Variants in DOCK11 observed in about 807,000 individuals in gnomAD.
The protein encoded by DOCK11 is dedicator of cytokinesis protein 11.
A neutral mutation model predicts 169.1 loss-of-function variants in DOCK11; 70 were observed. The ratio of observed to expected loss-of-function variants is 0.41; its 90% CI spans 0.34 to 0.51. The LOEUF (loss-of-function observed/expected upper bound fraction) is 0.51. DOCK11 is among the 20% of genes least tolerant of loss of function. DOCK11 has a pLI of 0.10. For synonymous variants in DOCK11, 529 were observed against 541.3 expected (o/e 0.98, Z 0.32); for missense variants, 1,166 against 1,538.8 (o/e 0.76, Z 4.05).
chrX:118,656,831 A>C (rs2016083483), intron 44 of DOCK11, among the ~76,000 whole-genome samples: 1 of 110,948 alleles, frequency 9.0e-6, no homozygotes, highest in East Asian at 2.8e-4. Context: ...ACTACTCAGA[A>C]GGCTGAGGCA....
At chrX:118,665,902 T>A (rs780481611) in intron 45 of DOCK11, among the ~76,000 whole-genome samples, 1 of 112,192 alleles carries the variant, frequency 8.9e-6, no homozygotes, top group East Asian at 2.8e-4. Context: ...TTTTTCTGCA[T>A]GACACCACCT....
chrX:118,607,056 T>C (rs1168899596), intron 24 of DOCK11, among the ~76,000 whole-genome samples: 2 of 107,634 alleles, frequency 1.9e-5, no homozygotes, highest in African/African-American at 6.8e-5. Flanking sequence ...CCCTTTCCTT[T>C]CCTTTTCCTT....
At chrX:118,582,664 C>G (rs991586094) in intron 14 of DOCK11, among the ~76,000 whole-genome samples, 3 of 111,428 alleles carry the variant, frequency 2.7e-5, no homozygotes, top group Non-Finnish European at 5.7e-5. Flanking sequence ...ATGTGGCCAA[C>G]AAAGATATGA....
intron 21 of DOCK11, 124 bp downstream of exon 21, chrX:118,597,676 C>A: frequency 1.3e-6 from 1 of 765,601 alleles, no homozygotes; most frequent in Non-Finnish European, 1.9e-6. Flanking sequence ...TGCGGGTCCA[C>A]AACAAAGATA....
chrX:118,503,840 G>A (rs968709580), intron 1 of DOCK11, among the ~76,000 whole-genome samples: 4 of 111,165 alleles, frequency 3.6e-5, no homozygotes, highest in African/African-American at 1.3e-4. Context: ...GGAAGTGGGA[G>A]GCAGGGTGTG....
rs752014828 is a variant in DOCK11, at chrX:118,529,774, A to G, written c.103-12951A>G. On this transcript the variant is annotated intron_variant, in intron 1 of 52. Coordinates refer to ENST00000276202, the MANE Select transcript of DOCK11 (RefSeq NM_144658.4). ...AAGAAGTGGTCACCTGTACTTGGGT[A>G]GATAAGGCAGCCTCTTGGGGTCTTG... is the stretch of plus-strand genomic sequence containing the variant. Among the ~76,000 whole-genome samples, 234 of 111,241 alleles carry G rather than the reference A, an allele frequency of 2.1e-3. 2 individuals carry two copies. The highest frequency in any genetic ancestry group is 3.1e-3 in the Non-Finnish European group (163 of 53,025).
chrX:118,576,758 G>C (rs2013463316), intron 12 of DOCK11, among the ~76,000 whole-genome samples: 4 of 112,442 alleles, frequency 3.6e-5, no homozygotes, highest in African/African-American at 1.3e-4. Context: ...CTCATTGCTG[G>C]CATCAGTAGG....
In DOCK11 at chrX:118,542,930, C is replaced by T. The variant is rs765984589; in HGVS notation, c.224C>T (p.Ser75Leu). The T allele has an allele frequency of 2.0e-5, 24 of 1,208,190 alleles. No individual in the cohort carries two copies. In the South Asian group the frequency reaches 3.2e-4, roughly 16 times the overall value. The change falls in exon 3 of 53, where the codon TCG (serine) becomes TTG (leucine). Residue 75 changes from serine to leucine, a missense_variant. Transcript: ENST00000276202. ...AAAATGTTCTTTGTGTTCTAGATCT[C>T]GGTGATAGGTCGTCAACGCAGAACG... Reference protein sequence around the residue: ...LMFPMEDISISVIGRQRRTVQ... With the variant: ...LMFPMEDISILVIGRQRRTVQ...
intron 1 of DOCK11, among the ~76,000 whole-genome samples, chrX:118,524,766 C>T (rs1187012171): frequency 1.8e-5 from 2 of 111,219 alleles, no homozygotes; most frequent in African/African-American, 3.3e-5. Flanking sequence ...GGACCTGGAA[C>T]CCTTGTGCAT....
chrX:118,512,804 G>A (rs12851083), intron 1 of DOCK11, among the ~76,000 whole-genome samples: 13,729 of 110,681 alleles, frequency 0.12, 639 homozygotes, highest in Middle Eastern at 0.2. Context: ...TGCCAGACCC[G>A]TGTTTCTCAA....
rs182203453 is a variant in DOCK11, at chrX:118,553,539, G to A, written c.558+7423G>A. 3.2e-4 allele frequency among the ~76,000 whole-genome samples: 36 copies of A among 111,368 alleles called. No individual in the cohort carries two copies. The East Asian group carries it at 9.0e-3, about 28-fold the overall frequency. On this transcript the variant is annotated intron_variant, in intron 6 of 52. Transcript: ENST00000276202. Reference sequence around the variant, plus strand: ...TTGCAAGTTCAACTGGTTGATGTATGACTCACTTCTAGTGCCCTTTAAAAT... The same window carrying A: ...TTGCAAGTTCAACTGGTTGATGTATAACTCACTTCTAGTGCCCTTTAAAAT...
chrX:118,561,035 A>G (rs755108455), intron 6 of DOCK11, among the ~76,000 whole-genome samples: 1 of 112,201 alleles, frequency 8.9e-6, no homozygotes, highest in South Asian at 3.7e-4. Flanking sequence ...TCGTGGTAAT[A>G]GAAACCAAAT....
chrX:118,500,409 G>A (rs2057568450), intron 1 of DOCK11, among the ~76,000 whole-genome samples: 1 of 111,168 alleles, frequency 9.0e-6, no homozygotes, highest in Non-Finnish European at 1.9e-5. Flanking sequence ...AAACAGAAAA[G>A]TAAGAATAAT....
At chrX:118,500,429 C>G (rs1436282552) in intron 1 of DOCK11, among the ~76,000 whole-genome samples, 1 of 111,284 alleles carries the variant, frequency 9.0e-6, no homozygotes, top group Non-Finnish European at 1.9e-5. Context: ...TTATCACCAT[C>G]TCATTACCCA....
intron 28 of DOCK11, 69 bp downstream of exon 28, chrX:118,610,487 T>A (rs2014655460): frequency 8.8e-7 from 1 of 1,133,557 alleles, no homozygotes; most frequent in Non-Finnish European, 1.2e-6. Flanking sequence ...AGAAAAAAAT[T>A]AAGCACTTTC....
Position 118,573,842 on chromosome X carries a change from G to A in DOCK11, c.1213G>A (p.Val405Ile), listed in dbSNP as rs758110517. ...TTTTATCAATCTTGCCTTATTTGAT[G>A]TAAAGAACAATTGTAAGATTTCAGC... ...PFFINLALFD[V>I]KNNCKISADF... The change falls in exon 12 of 53, where the codon GTA (valine) becomes ATA (isoleucine). Residue 405 changes from valine to isoleucine, a missense_variant. Physicochemically the swap from Val to Ile is conservative, Grantham distance 29. Coordinates refer to ENST00000276202, the MANE Select transcript of DOCK11 (RefSeq NM_144658.4). The A allele has an allele frequency of 3.3e-6, 4 of 1,208,204 alleles. No homozygotes were observed. The East Asian group carries it at 8.9e-5, about 27-fold the overall frequency.
chrX:118,672,650 T>C (rs1301356720), intron 46 of DOCK11, among the ~76,000 whole-genome samples: 1 of 112,615 alleles, frequency 8.9e-6, no homozygotes, highest in Non-Finnish European at 1.9e-5. Flanking sequence ...TTAGCCAAGA[T>C]GGTCTCGATC....
rs1202446895 is a variant in DOCK11, at chrX:118,543,524, A to G, written c.323A>G (p.Tyr108Cys). Residue 108 changes from tyrosine (Y) to cysteine (C), a missense_variant, in exon 4 of 53, where the codon TAT becomes TGT. Coordinates refer to ENST00000276202, the MANE Select transcript of DOCK11 (RefSeq NM_144658.4). ...SLFVKECIKT[Y>C]STDWHVVNYK... The stretch of plus-strand genomic sequence containing the variant: ...ATTTTCTTTCAGTGTATTAAAACCT[A>G]TAGCACAGATTGGCACGTGGTAAAC... 3 of 1,204,841 alleles carry G rather than the reference A, an allele frequency of 2.5e-6. No individual in the cohort carries two copies. Among genetic ancestry groups the G allele is most frequent in the Non-Finnish European group, 3.4e-6 (3 of 888,910 alleles).
chrX:118,497,635 G>A (rs1468036383), intron 1 of DOCK11, among the ~76,000 whole-genome samples: 1 of 111,942 alleles, frequency 8.9e-6, no homozygotes. Flanking sequence ...AGAGAGGAAG[G>A]CAAGCTGTGT....
Sources: gnomAD v4.1 joint callset for allele counts (sites outside exome capture counted in the v4.1 genomes callset) on GRCh38, gnomAD v4.1.1 for gene constraint, MANE v1.5 for transcripts, NCBI Gene and HGNC (gene_info 2026-07-23, HGNC 2026-07-21) for gene names.